The following KCTD8 variants were observed in gnomAD, a reference collection of about 807,000 sequenced individuals.
The protein encoded by KCTD8 is potassium channel tetramerization domain containing 8.
In KCTD8, 27 loss-of-function variants were observed where a neutral mutation model predicts 31.5. The observed-to-expected ratio is 0.86, with a 90% CI of 0.63 to 1.18. The LOEUF is 1.18. KCTD8 is among the 50% of genes most tolerant of loss of function. The probability of loss-of-function intolerance (pLI) is 0.00; values close to 1 mark genes in which losing one functional copy is unlikely to be tolerated. For missense variants in KCTD8, 658 were observed against 647.7 expected (o/e 1.02, Z -0.17); for synonymous variants, 290 against 280.0 (o/e 1.04, Z -0.36).
chr4:44,233,822 A>G lies in KCTD8; in HGVS notation c.962-58572T>C, dbSNP rs181064181. ...CCTAAGAATTTTTTTTAAATTGTGC[A>G]TTATTGACATAAACGATGTAGACTA... is the stretch of plus-strand genomic sequence containing the variant. On this transcript the variant is annotated intron_variant, in intron 1 of 1. Coordinates refer to ENST00000360029, the MANE Select transcript of KCTD8 (RefSeq NM_198353.3). 6.6e-5 allele frequency among the ~76,000 whole-genome samples: 10 copies of G among 152,242 alleles called. No individual in the cohort carries two copies. In the East Asian group the frequency reaches 1.9e-3, roughly 29 times the overall value.
At chr4:44,285,224 A>G (rs1202945855) in intron 1 of KCTD8, among the ~76,000 whole-genome samples, 1 of 152,224 alleles carries the variant, frequency 6.6e-6, no homozygotes, top group East Asian at 1.9e-4. Context: ...AACCAACCCA[A>G]TTGTCCATCA....
intron 1 of KCTD8, among the ~76,000 whole-genome samples, chr4:44,298,457 TG>T (rs1476925423): frequency 1.3e-5 from 2 of 150,224 alleles, no homozygotes; most frequent in Non-Finnish European, 3.0e-5. Context: ...TAAGATGAAC[TG>T]GGGGAAAAGG....
chr4:44,318,770 A>C (rs1277230852), intron 1 of KCTD8, among the ~76,000 whole-genome samples: 1 of 152,196 alleles, frequency 6.6e-6, no homozygotes, highest in Admixed American at 6.5e-5. Flanking sequence ...TAGGTGATTA[A>C]ATTGTAGACT....
At chr4:44,350,008 T>C (rs1005633306) in intron 1 of KCTD8, among the ~76,000 whole-genome samples, 2 of 152,254 alleles carry the variant, frequency 1.3e-5, no homozygotes, top group Non-Finnish European at 1.5e-5. Context: ...ACTAGGTATA[T>C]AACTTCTTTC....
chr4:44,326,394 T>G (rs1273890995), intron 1 of KCTD8, among the ~76,000 whole-genome samples: 2 of 151,766 alleles, frequency 1.3e-5, no homozygotes, highest in Non-Finnish European at 2.9e-5. Context: ...TACTTTTAAT[T>G]CATGGATTTA....
intron 1 of KCTD8, among the ~76,000 whole-genome samples, chr4:44,340,471 T>A (rs2109418256): frequency 6.6e-6 from 1 of 151,548 alleles, no homozygotes; most frequent in South Asian, 2.1e-4. Context: ...GCTAATTTTT[T>A]TTTTTTTTTT....
intron 1 of KCTD8, among the ~76,000 whole-genome samples, chr4:44,316,521 C>A (rs17599556): frequency 0.22 from 32,867 of 151,738 alleles, 3,626 homozygotes; most frequent in East Asian, 0.29. Flanking sequence ...GTGTGCCGAG[C>A]CAAATGTGTT....
At chr4:44,269,717 A>G (rs530856101) in intron 1 of KCTD8, among the ~76,000 whole-genome samples, 2 of 152,286 alleles carry the variant, frequency 1.3e-5, no homozygotes, top group East Asian at 3.9e-4. Context: ...AACCCCATCA[A>G]AAAGTGGGCA....
At chr4:44,184,298 G>A (rs534386724) in intron 1 of KCTD8, among the ~76,000 whole-genome samples, 5 of 152,256 alleles carry the variant, frequency 3.3e-5, no homozygotes, top group African/African-American at 4.8e-5. Context: ...TAGAGGAGAC[G>A]TCTTCATCTT....
intron 1 of KCTD8, among the ~76,000 whole-genome samples, chr4:44,360,255 A>C (rs1281676853): frequency 6.6e-6 from 1 of 152,060 alleles, no homozygotes; most frequent in Non-Finnish European, 1.5e-5. Flanking sequence ...CTAAGAATCT[A>C]TAAAATTATT....
chr4:44,392,493 CA>C (rs1290421808), intron 1 of KCTD8, among the ~76,000 whole-genome samples: 2 of 151,900 alleles, frequency 1.3e-5, no homozygotes, highest in African/African-American at 4.8e-5. Flanking sequence ...ATATTAAAGT[CA>C]AAACTTATTT....
intron 1 of KCTD8, among the ~76,000 whole-genome samples, chr4:44,373,597 G>C (rs1164516272): frequency 6.6e-6 from 1 of 152,124 alleles, no homozygotes; most frequent in East Asian, 1.9e-4. Flanking sequence ...CCCATAGGAA[G>C]TATTATACAA....
chr4:44,221,285 T>C (rs1413372438), intron 1 of KCTD8, among the ~76,000 whole-genome samples: 1 of 152,060 alleles, frequency 6.6e-6, no homozygotes, highest in African/African-American at 2.4e-5. Flanking sequence ...CTTGTTCCAT[T>C]GAGCTGCATT....
chr4:44,303,221 A>T (rs1169045656), intron 1 of KCTD8, among the ~76,000 whole-genome samples: 1 of 152,148 alleles, frequency 6.6e-6, no homozygotes, highest in Non-Finnish European at 1.5e-5. Flanking sequence ...AATCAAGATG[A>T]TGCTGGCCTC....
chr4:44,338,887 A>T (rs1257713559), intron 1 of KCTD8, among the ~76,000 whole-genome samples: 3 of 152,188 alleles, frequency 2.0e-5, no homozygotes, highest in Non-Finnish European at 4.4e-5. Context: ...AGCTCTCTTC[A>T]TAAGTCCCTT....
chr4:44,205,761 T>C (rs901738619), intron 1 of KCTD8, among the ~76,000 whole-genome samples: 4 of 152,220 alleles, frequency 2.6e-5, no homozygotes, highest in Non-Finnish European at 4.4e-5. Context: ...AAATGTCACA[T>C]GTTTTTGTGA....
At chr4:44,381,354 C>A (rs115559698) in intron 1 of KCTD8, among the ~76,000 whole-genome samples, 1 of 151,838 alleles carries the variant, frequency 6.6e-6, no homozygotes, top group Non-Finnish European at 1.5e-5. Context: ...TACATACAAA[C>A]AATAAATTTC....
chr4:44,427,986 G>T (rs1659079822), intron 1 of KCTD8, among the ~76,000 whole-genome samples: 1 of 151,686 alleles, frequency 6.6e-6, no homozygotes, highest in African/African-American at 2.4e-5. Context: ...GACATCTTAT[G>T]ATAGCAGTGG....
chr4:44,177,963 T>A (rs1713266674), intron 1 of KCTD8, among the ~76,000 whole-genome samples: 1 of 152,322 alleles, frequency 6.6e-6, no homozygotes, highest in East Asian at 1.9e-4. Context: ...ACCAGCCGTC[T>A]TTTCCATTGA....
Sources: allele counts gnomAD v4.1 joint callset (sites outside exome capture counted in the v4.1 genomes callset), GRCh38; gene constraint gnomAD v4.1.1; transcripts MANE v1.5; gene names NCBI Gene and HGNC (gene_info 2026-07-23, HGNC 2026-07-21).